Variants in IQANK1 observed in about 807,000 individuals in gnomAD.
IQANK1 encodes the protein IQ motif and ankyrin repeat domain-containing protein 1.
In IQANK1, 30 loss-of-function variants were observed where a neutral mutation model predicts 22.6. The observed-to-expected ratio is 1.33, with a 90% CI of 0.99 to 1.80. The LOEUF is 1.80. Among genes scored for constraint, IQANK1 ranks in the 40% most tolerant of loss-of-function variants. The pLI, the probability that IQANK1 is intolerant of heterozygous loss-of-function variation, is 0.00. For synonymous variants in IQANK1, 122 were observed against 99.6 expected, an observed-to-expected ratio of 1.23 and a Z score of -1.34; for missense variants, 275 against 235.2, an observed-to-expected ratio of 1.17 and a Z score of -1.11.
chr8:143,785,118 C>T (rs1819862527), intron 7 of IQANK1, among the ~76,000 whole-genome samples: 2 of 152,250 alleles, frequency 1.3e-5, no homozygotes, highest in East Asian at 3.9e-4. Context: ...TCTTTGAGCA[C>T]AGTAAATATA....
At chr8:143,789,154 G>A (rs1021995693) in intron 8 of IQANK1, 35 bp from the exon 9 acceptor site, 31 of 400,582 alleles carry the variant, frequency 7.7e-5, no homozygotes, top group African/African-American at 4.7e-4. Flanking sequence ...GGGCGCTGGC[G>A]GAAGCCTCTG....
intron 3 of IQANK1, chr8:143,743,886 G>A: frequency 7.0e-6 from 3 of 428,420 alleles, no homozygotes; most frequent in Non-Finnish European, 9.2e-6. Flanking sequence ...TTGCCAGGCT[G>A]GAGTGCACTG....
intron 3 of IQANK1, among the ~76,000 whole-genome samples, chr8:143,766,700 T>C (rs975926301): frequency 1.2e-4 from 19 of 152,098 alleles, no homozygotes; most frequent in African/African-American, 4.6e-4. Flanking sequence ...AAGAACGTAC[T>C]GATTTTAACA....
intron 3 of IQANK1, among the ~76,000 whole-genome samples, chr8:143,767,133 T>C (rs1819495210): frequency 6.6e-6 from 1 of 152,266 alleles, no homozygotes; most frequent in Admixed American, 6.5e-5. Flanking sequence ...TCTTGGCTCT[T>C]TCGCAGATAC....
chr8:143,776,520 C>G (rs1459240427), intron 7 of IQANK1, among the ~76,000 whole-genome samples: 2 of 152,068 alleles, frequency 1.3e-5, no homozygotes, highest in Non-Finnish European at 2.9e-5. Flanking sequence ...GAGCCCTAAG[C>G]TTGTCCCAGT....
At chr8:143,769,584 C>G (rs1188148945) in intron 3 of IQANK1, among the ~76,000 whole-genome samples, 1 of 152,200 alleles carries the variant, frequency 6.6e-6, no homozygotes, top group Non-Finnish European at 1.5e-5. Flanking sequence ...CAACCCTAAA[C>G]CCAAGCCATA....
At chr8:143,751,656 G>GTATATATATATATATATATATA (rs1430170946) in intron 3 of IQANK1, among the ~76,000 whole-genome samples, 2 of 39,660 alleles carry the variant, frequency 5.0e-5, no homozygotes, top group Non-Finnish European at 9.7e-5. Context: ...GTGTGTGTGT[G>GTATATATATATATATATATATA]TGTGTGTGTA....
intron 3 of IQANK1, among the ~76,000 whole-genome samples, chr8:143,752,312 C>T (rs1819212414): frequency 6.6e-6 from 1 of 152,152 alleles, no homozygotes; most frequent in Admixed American, 6.6e-5. Context: ...TTCTGGCCTC[C>T]AAGTTTCTGA....
intron 3 of IQANK1, among the ~76,000 whole-genome samples, chr8:143,751,625 AGTGTGTGTGTGT>A (rs1554628034): frequency 0.012 from 1,115 of 96,012 alleles, 43 homozygotes; most frequent in African/African-American, 0.039. Flanking sequence ...AAAAAAAAAA[AGTGTGTGTGTGT>A]GTGTGTGTGT....
At chr8:143,743,892 C>A in intron 3 of IQANK1, 1 of 428,686 alleles carries the variant, frequency 2.3e-6, no homozygotes, top group African/African-American at 2.1e-5. Flanking sequence ...GGCTGGAGTG[C>A]ACTGGGGCTT....
At chr8:143,742,056 C>T (rs944345590) in intron 3 of IQANK1, 5 of 297,956 alleles carry the variant, frequency 1.7e-5, no homozygotes, top group Non-Finnish European at 2.0e-5. Flanking sequence ...TGTCTGTGCC[C>T]TCGCTGCGGC....
chr8:143,785,857 G>C (rs543647813), intron 7 of IQANK1, among the ~76,000 whole-genome samples: 1 of 152,066 alleles, frequency 6.6e-6, no homozygotes, highest in Non-Finnish European at 1.5e-5. Context: ...CTCCCAAGTA[G>C]CTGGGATTAC....
chr8:143,754,310 T>C (rs1819248584), intron 3 of IQANK1, among the ~76,000 whole-genome samples: 1 of 152,050 alleles, frequency 6.6e-6, no homozygotes, highest in Admixed American at 6.5e-5. Context: ...CATTCGGCCG[T>C]ATCCGTGGGT....
intron 3 of IQANK1, among the ~76,000 whole-genome samples, chr8:143,751,654 G>GTATATATATATATA (rs1394995181): frequency 8.1e-5 from 3 of 37,034 alleles, no homozygotes; most frequent in Admixed American, 4.1e-4. Context: ...GTGTGTGTGT[G>GTATATATATATATA]TGTGTGTGTG....
intron 3 of IQANK1, among the ~76,000 whole-genome samples, chr8:143,751,336 G>A (rs1408130230): frequency 6.6e-6 from 1 of 152,050 alleles, no homozygotes; most frequent in African/African-American, 2.4e-5. Flanking sequence ...TATGGGCTGG[G>A]CATGGTGGCT....
chr8:143,777,386 G>T (rs1203219133), intron 7 of IQANK1, among the ~76,000 whole-genome samples: 2 of 151,696 alleles, frequency 1.3e-5, no homozygotes, highest in African/African-American at 4.8e-5. Context: ...CATGGTGGCA[G>T]GCGCCTGTAA....
At position 143,772,192 on chromosome 8, in the gene IQANK1, G is replaced by A. The variant is rs1361287554; in HGVS notation, c.612G>A (p.Gln204=). 4.6e-5 allele frequency: 18 copies of A among 393,926 alleles called. No individual in the cohort carries two copies. The East Asian group carries it at 6.5e-4, about 14-fold the overall frequency. 24.4% of individuals were successfully genotyped at this position (393,926 alleles called of 1,614,324 possible). A position where few individuals can be genotyped will look rare whatever the true frequency, so the allele number is the denominator to read the frequency against. The stretch of plus-strand genomic sequence containing the variant: ...TGTCGGAGGCGGCCGCAGGCGGGCA[G>A]CCCCTGGCCATCCAGCTGCGGGCCG... ...TPLSEAAAGG[Q]PLAIQLRAEL... The change falls in exon 6 of 14, where the codon CAG becomes CAA. Residue 204 remains glutamine, a synonymous_variant. Coordinates refer to ENST00000527139, the MANE Select transcript of IQANK1 (RefSeq NM_001381874.1).
At chr8:143,769,710 G>A (rs562605837) in intron 3 of IQANK1, among the ~76,000 whole-genome samples, 3 of 152,204 alleles carry the variant, frequency 2.0e-5, no homozygotes, top group Non-Finnish European at 4.4e-5. Context: ...CTGCTGCACT[G>A]TTTTGGAGAC....
rs116891138 is a variant in IQANK1 at position 143,768,759 on chromosome 8, C to T, written c.176-2729C>T. On this transcript the variant is annotated intron_variant, in intron 3 of 13. Transcript: ENST00000527139. Reference sequence around the variant, plus strand: ...AAATTTTTCTGTTGCTGCTTGTGTACAGAAATACACTTTGTGAGTATGAGG... The same window carrying T: ...AAATTTTTCTGTTGCTGCTTGTGTATAGAAATACACTTTGTGAGTATGAGG... Among the ~76,000 whole-genome samples, 8 of 152,216 alleles carry T rather than the reference C, an allele frequency of 5.3e-5. No homozygotes were observed. In the East Asian group the frequency reaches 9.6e-4, roughly 18 times the overall value.
Sources: gnomAD v4.1 joint callset for allele counts (sites outside exome capture counted in the v4.1 genomes callset) on GRCh38, gnomAD v4.1.1 for gene constraint, MANE v1.5 for transcripts, NCBI Gene and HGNC (gene_info 2026-07-23, HGNC 2026-07-21) for gene names.